CATSPERG: variants seen among roughly 807,000 people sequenced by gnomAD.
CATSPERG encodes the protein cation channel sperm-associated auxiliary subunit gamma.
Under a neutral mutation model 145.0 loss-of-function variants are expected in CATSPERG, and 115 were observed. That is an observed-to-expected ratio of 0.79 (90% confidence interval 0.68 to 0.93). CATSPERG has a LOEUF of 0.93. Among genes scored for constraint, CATSPERG ranks in the 40% least tolerant of loss-of-function variants. The pLI, the probability that CATSPERG is intolerant of heterozygous loss-of-function variation, is 0.00. For synonymous variants in CATSPERG, 588 were observed against 589.0 expected (o/e 1.00, Z 0.02); for missense variants, 1,296 against 1,490.1 (o/e 0.87, Z 2.14).
chr19:38,354,717 G>T lies in CATSPERG; in HGVS notation c.1005G>T (p.Trp335Cys). Residue 335 changes from tryptophan (W) to cysteine (C), a missense_variant, in exon 9 of 29, where the codon TGG (tryptophan) becomes TGT (cysteine). Coordinates refer to ENST00000409235, the MANE Select transcript of CATSPERG (RefSeq NM_021185.5). Reference sequence around the variant, plus strand: ...CCATACTGACTTCACTAGGCAGTTGGATTCGTGTCCTGGCCAGCGAGTGCA... The same window carrying T: ...CCATACTGACTTCACTAGGCAGTTGTATTCGTGTCCTGGCCAGCGAGTGCA... ...LYERNRGSGS[W>C]IRVLASECIK... is the part of the protein sequence containing the mutation. 4 of 1,614,044 alleles carry T rather than the reference G, an allele frequency of 2.5e-6. No homozygotes were observed. The highest frequency in any genetic ancestry group is 3.4e-6 in the Non-Finnish European group (4 of 1,179,936).
At chr19:38,336,711 G>T in intron 1 of CATSPERG, 2 of 258,998 alleles carry the variant, frequency 7.7e-6, no homozygotes, top group Non-Finnish European at 7.7e-6. Flanking sequence ...AGCAGTACGG[G>T]GGAACTTAAG....
chr19:38,337,172 G>A, intron 1 of CATSPERG, 49 bp from the exon 2 acceptor site: 9 of 1,533,262 alleles, frequency 5.9e-6, no homozygotes, highest in Non-Finnish European at 7.9e-6. Context: ...TTAAAAGTGG[G>A]CTCCAGAGAG....
chr19:38,367,459 C>T (rs375387191), intron 23 of CATSPERG, 50 bp from the exon 24 acceptor site: 22 of 1,589,870 alleles, frequency 1.4e-5, no homozygotes, highest in Admixed American at 1.7e-5. Flanking sequence ...CTCAGCTTCT[C>T]GGGCCAAGCT....
At chr19:38,339,646 T>TC (rs1442350725) in intron 3 of CATSPERG, among the ~76,000 whole-genome samples, 2 of 152,040 alleles carry the variant, frequency 1.3e-5, no homozygotes, top group Non-Finnish European at 2.9e-5. Context: ...TAAATTTTTT[T>TC]CTTTTTTTTG....
At chr19:38,336,892 T>C (rs1225136006) in intron 1 of CATSPERG, 1 of 419,830 alleles carries the variant, frequency 2.4e-6, no homozygotes, top group South Asian at 2.2e-5. Flanking sequence ...GAAACATTAG[T>C]AGGGCTGGGG....
chr19:38,337,796 G>C (rs1173513158), intron 3 of CATSPERG, 150 bp downstream of exon 3: 2 of 640,580 alleles, frequency 3.1e-6, no homozygotes, highest in Non-Finnish European at 5.0e-6. Flanking sequence ...TCGGCTCACT[G>C]CAACCTCCGC....
At chr19:38,351,640 C>T (rs1394438710) in intron 7 of CATSPERG, among the ~76,000 whole-genome samples, 2 of 148,412 alleles carry the variant, frequency 1.3e-5, no homozygotes, top group African/African-American at 5.0e-5. Flanking sequence ...GGAATGGTGG[C>T]AAGCACCTGT....
At position 38,370,727 on chromosome 19, in the gene CATSPERG, A is replaced by T; in HGVS notation, c.3415A>T (p.Ser1139Cys). ...ACATTCCAGGATGGGCTCCATGTTC[A>T]GCTCCAGGATGACAGAGGACAGGGC... is the stretch of plus-strand genomic sequence containing the variant. ...LRHSRMGSMF[S>C]SRMTEDRAEP... is the part of the protein sequence containing the mutation. Residue 1139 changes from serine to cysteine, a missense_variant, in exon 29 of 29, where the codon AGC becomes TGC. Coordinates refer to ENST00000409235, the MANE Select transcript of CATSPERG (RefSeq NM_021185.5). 1 of 1,614,028 alleles carries T rather than the reference A, an allele frequency of 6.2e-7. No homozygotes were observed. Among genetic ancestry groups the T allele is most frequent in the South Asian group, 1.1e-5 (1 of 91,080 alleles).
At chr19:38,355,629 G>A (rs2286474) in intron 9 of CATSPERG, among the ~76,000 whole-genome samples, 7,830 of 151,990 alleles carry the variant, frequency 0.052, 437 homozygotes, top group East Asian at 0.27. Flanking sequence ...CCTGGGAAGC[G>A]GAGGTTGCAG....
intron 7 of CATSPERG, among the ~76,000 whole-genome samples, chr19:38,347,506 T>C (rs1970060682): frequency 6.6e-6 from 1 of 152,238 alleles, no homozygotes. Context: ...TATTAGGCAT[T>C]GAGAGCCTAT....
At chr19:38,336,783 A>G in intron 1 of CATSPERG, 2 of 292,002 alleles carry the variant, frequency 6.8e-6, no homozygotes, top group South Asian at 3.3e-5. Context: ...AGTGGAATAC[A>G]GGGAGGGGGC....
At chr19:38,347,444 T>C (rs889653311) in intron 7 of CATSPERG, among the ~76,000 whole-genome samples, 1 of 152,202 alleles carries the variant, frequency 6.6e-6, no homozygotes, top group Non-Finnish European at 1.5e-5. Context: ...CATTACATTC[T>C]ACACTCTGGA....
rs1255855456 is a variant in CATSPERG, at chr19:38,346,536, G to T, written c.756G>T (p.Leu252=). 6.4e-7 allele frequency: 1 copy of T among 1,551,536 alleles called. No individual in the cohort carries two copies. The highest frequency in any genetic ancestry group is 1.4e-5 in the African/African-American group (1 of 73,046). The part of the protein sequence containing the change: ...HTVDQSPVLI[L]GGIPNEKYVL... ...TGGACCAGTCACCTGTGCTTATCCTGGGAGGCATTCCCAATGAGAAGTACG... is the reference window on the plus strand; with the variant it reads ...TGGACCAGTCACCTGTGCTTATCCTTGGAGGCATTCCCAATGAGAAGTACG... Residue 252 remains leucine, a synonymous_variant, in exon 7 of 29, where the codon CTG becomes CTT. Transcript: ENST00000409235.
chr19:38,343,773 G>A (rs564964396), intron 4 of CATSPERG, 49 bp downstream of exon 4: 8 of 1,528,702 alleles, frequency 5.2e-6, no homozygotes, highest in African/African-American at 4.1e-5. Flanking sequence ...GGGGTGTGGG[G>A]TTTGCTGGGG....
At chr19:38,346,369 G>C in intron 6 of CATSPERG, 81 bp from the exon 7 acceptor site, 1 of 1,342,352 alleles carries the variant, frequency 7.4e-7, no homozygotes, top group South Asian at 1.5e-5. Flanking sequence ...TGTGGGTCCA[G>C]GTCAGGCCTT....
At chr19:38,345,051 CATGT>C in intron 6 of CATSPERG, among the ~76,000 whole-genome samples, 1 of 150,636 alleles carries the variant, frequency 6.6e-6, no homozygotes, top group African/African-American at 2.4e-5. Context: ...GGACCACGGG[CATGT>C]ACCACCATAT....
chr19:38,358,359 G>A (rs1230190672), intron 12 of CATSPERG, 31 bp downstream of exon 12: 4 of 1,614,130 alleles, frequency 2.5e-6, no homozygotes, highest in Non-Finnish European at 3.4e-6. Context: ...TGGCCTCAGG[G>A]TGGCTGTGGG....
At chr19:38,359,427 G>A (rs755664686) in intron 13 of CATSPERG, 43 bp from the exon 14 acceptor site, 3 of 1,311,152 alleles carry the variant, frequency 2.3e-6, no homozygotes, top group Non-Finnish European at 3.3e-6. Flanking sequence ...TGGGGGAAGC[G>A]GCTGTCCAGC....
Position 38,344,856 on chromosome 19 carries a change from G to GACACACACACACACACACACAC in CATSPERG, c.669+494_669+515dup, listed in dbSNP as rs34101460. On this transcript the variant is annotated intron_variant, in intron 6 of 28. Coordinates refer to ENST00000409235, the MANE Select transcript of CATSPERG (RefSeq NM_021185.5). ...ATATGTATATACCTGTACATGAACAGACACACACACACACACACACACACA... is the reference window on the plus strand; with the variant it reads ...ATATGTATATACCTGTACATGAACAGACACACACACACACACACACACACACACACACACACACACACACACA... Among the ~76,000 whole-genome samples the GACACACACACACACACACACAC allele has an allele frequency of 1.1e-3, 103 of 92,336 alleles. 5 individuals carry two copies. Among genetic ancestry groups the GACACACACACACACACACACAC allele is most frequent in the East Asian group, 8.2e-3 (21 of 2,558 alleles). 60.6% of individuals were successfully genotyped at this position (92,336 alleles called of 152,430 possible). A position where few individuals can be genotyped will look rare whatever the true frequency, so the allele number is the denominator to read the frequency against.
Sources: gnomAD v4.1 joint callset for allele counts (sites outside exome capture counted in the v4.1 genomes callset) on GRCh38, gnomAD v4.1.1 for gene constraint, MANE v1.5 for transcripts, NCBI Gene and HGNC (gene_info 2026-07-23, HGNC 2026-07-21) for gene names.